DGKG: variants seen among roughly 807,000 people sequenced by gnomAD.
The protein encoded by DGKG is diacylglycerol kinase gamma.
A neutral mutation model predicts 105.3 loss-of-function variants in DGKG; 78 were observed. That is an observed-to-expected ratio of 0.74 (90% CI 0.62 to 0.89). DGKG has a LOEUF of 0.89. Among genes scored for constraint, DGKG ranks in the 40% least tolerant of loss-of-function variants. The probability of loss-of-function intolerance (pLI) is 0.00; values close to 1 mark genes in which losing one functional copy is unlikely to be tolerated. For synonymous variants in DGKG, 346 were observed against 367.1 expected, an observed-to-expected ratio of 0.94 and a Z score of 0.66; for missense variants, 958 against 1,020.1, an observed-to-expected ratio of 0.94 and a Z score of 0.83.
intron 16 of DGKG, 70 bp from the exon 17 acceptor site, chr3:186,258,009 CAG>C: frequency 8.8e-7 from 1 of 1,135,018 alleles, no homozygotes; most frequent in South Asian, 1.2e-5. Context: ...CATGTTGAGT[CAG>C]AGTCTGCCCT....
intron 15 of DGKG, among the ~76,000 whole-genome samples, chr3:186,260,971 G>A (rs957305379): frequency 2.6e-5 from 4 of 152,204 alleles, no homozygotes; most frequent in Admixed American, 2.6e-4. Context: ...AGGAAACGCA[G>A]GAGGTGGTGT....
At chr3:186,211,937 T>C (rs1204787226) in intron 20 of DGKG, 52 bp from the exon 21 acceptor site, 2 of 1,428,354 alleles carry the variant, frequency 1.4e-6, no homozygotes, top group East Asian at 2.3e-5. Flanking sequence ...GAAATGCTCA[T>C]GTAAAATAGC....
In DGKG at chr3:186,297,066, T is replaced by TCACACA. The variant is rs1352673652; in HGVS notation, c.373+354_373+355insTGTGTG. Among the ~76,000 whole-genome samples, 748 of 123,678 alleles carry TCACACA rather than the reference T, an allele frequency of 6.0e-3. 8 individuals are homozygous for TCACACA. Among genetic ancestry groups the TCACACA allele is most frequent in the East Asian group, 0.014 (57 of 4,164 alleles). The allele number at this position is 123,678 out of a possible 152,430, so 81.1% of individuals were successfully genotyped here. ...CTCTCTCTGTCTGTCTGTCTGTCTC[T>TCACACA]CTCACACACACACACACACACACAC... is the stretch of plus-strand genomic sequence containing the variant. On this transcript the variant is annotated intron_variant, in intron 5 of 24. Transcript: ENST00000265022.
At chr3:186,205,257 C>CA (rs71164580) in intron 21 of DGKG, among the ~76,000 whole-genome samples, 1,013 of 72,010 alleles carry the variant, frequency 0.014, 12 homozygotes, top group South Asian at 0.037. Context: ...AACTCCTTCT[C>CA]AAAAAAAAAA....
At chr3:186,254,893 C>T (rs1001329689) in intron 17 of DGKG, among the ~76,000 whole-genome samples, 5 of 152,160 alleles carry the variant, frequency 3.3e-5, no homozygotes, top group Admixed American at 3.3e-4. Flanking sequence ...CACAGTAGGC[C>T]CAGGAAGCAG....
intron 21 of DGKG, among the ~76,000 whole-genome samples, chr3:186,209,984 C>T (rs1386579823): frequency 6.6e-6 from 1 of 152,186 alleles, no homozygotes; most frequent in Non-Finnish European, 1.5e-5. Context: ...CTCCCAACAA[C>T]ACCCTCCCTC....
chr3:186,266,446 T>C (rs570428651), intron 13 of DGKG, among the ~76,000 whole-genome samples: 2 of 152,246 alleles, frequency 1.3e-5, no homozygotes, highest in East Asian at 1.9e-4. Context: ...AAAGCTGCTA[T>C]GAGCATTCTT....
chr3:186,353,786 G>A (rs1726771366), intron 1 of DGKG, among the ~76,000 whole-genome samples: 1 of 151,962 alleles, frequency 6.6e-6, no homozygotes, highest in Non-Finnish European at 1.5e-5. Flanking sequence ...CTAGCATGAA[G>A]TGGGTGCTCA....
chr3:186,332,972 C>G (rs1268638877), intron 1 of DGKG, among the ~76,000 whole-genome samples: 2 of 152,138 alleles, frequency 1.3e-5, no homozygotes, highest in East Asian at 3.9e-4. Flanking sequence ...CACCTTGGGA[C>G]TCTATGTAGA....
chr3:186,301,558 C>T (rs1019649964), intron 3 of DGKG, among the ~76,000 whole-genome samples: 4 of 152,114 alleles, frequency 2.6e-5, no homozygotes, highest in Admixed American at 1.3e-4. Context: ...ACCCGGGAGG[C>T]GGAGCTTGCA....
chr3:186,265,913 G>A (rs1018944664), intron 13 of DGKG, among the ~76,000 whole-genome samples: 1 of 151,988 alleles, frequency 6.6e-6, no homozygotes, highest in African/African-American at 2.4e-5. Flanking sequence ...CTCGTGATCC[G>A]CTGGCCTCAG....
chr3:186,344,378 A>T (rs1341578349), intron 1 of DGKG, among the ~76,000 whole-genome samples: 1 of 135,774 alleles, frequency 7.4e-6, no homozygotes, highest in African/African-American at 3.4e-5. Context: ...AATGTGGTAC[A>T]TATACACCAT....
intron 9 of DGKG, among the ~76,000 whole-genome samples, chr3:186,275,918 G>A (rs913181813): frequency 6.6e-6 from 1 of 152,098 alleles, no homozygotes; most frequent in Admixed American, 6.6e-5. Context: ...CGCATGGCTG[G>A]CAGAAGCATA....
intron 3 of DGKG, among the ~76,000 whole-genome samples, chr3:186,304,501 G>A (rs542588760): frequency 6.6e-6 from 1 of 152,256 alleles, no homozygotes; most frequent in East Asian, 1.9e-4. Context: ...TTTGTTCAAT[G>A]GATGACAACG....
intron 5 of DGKG, among the ~76,000 whole-genome samples, chr3:186,293,413 C>A (rs1037312563): frequency 5.9e-5 from 9 of 152,174 alleles, no homozygotes; most frequent in Non-Finnish European, 1.2e-4. Flanking sequence ...GGGGGACTTT[C>A]CTTGAGATTT....
intron 1 of DGKG, among the ~76,000 whole-genome samples, chr3:186,324,997 A>G (rs1470801411): frequency 6.6e-6 from 1 of 152,264 alleles, no homozygotes; most frequent in Non-Finnish European, 1.5e-5. Flanking sequence ...AGAAAATGTA[A>G]TGCACATATA....
rs544713321 is a variant in DGKG at position 186,188,249 on chromosome 3, C to T, written c.2048G>A (p.Ser683Asn). Reference protein sequence around the residue: ...NKKNRAVIRESRKGVTDPKEL... With the variant: ...NKKNRAVIRENRKGVTDPKEL... ...TTTGGGGTCAGTGACACCCTTCCTG[C>T]TTTCCCGGATCACAGCCCGGTTCTT... Residue 683 changes from serine (S) to asparagine (N), a missense_variant, in exon 22 of 25, where the codon AGC becomes AAC. Physicochemically the swap from Ser to Asn is conservative, Grantham distance 46. Transcript: ENST00000265022. 1.9e-6 allele frequency: 3 copies of T among 1,614,194 alleles called. No individual in the cohort carries two copies. Among genetic ancestry groups the T allele is most frequent in the Admixed American group, 3.3e-5 (2 of 60,022 alleles).
At chr3:186,240,737 G>C (rs1441288977) in intron 20 of DGKG, among the ~76,000 whole-genome samples, 1 of 151,848 alleles carries the variant, frequency 6.6e-6, no homozygotes, top group African/African-American at 2.4e-5. Flanking sequence ...TTGAACCCAG[G>C]AGGTGGAAGT....
At chr3:186,314,444 GT>G (rs1724714633) in intron 2 of DGKG, among the ~76,000 whole-genome samples, 1 of 152,154 alleles carries the variant, frequency 6.6e-6, no homozygotes, top group Non-Finnish European at 1.5e-5. Context: ...CATTGATATG[GT>G]TAAGATTTTT....
Sources: gnomAD v4.1 joint callset for allele counts (sites outside exome capture counted in the v4.1 genomes callset) on GRCh38, gnomAD v4.1.1 for gene constraint, MANE v1.5 for transcripts, NCBI Gene and HGNC (gene_info 2026-07-23, HGNC 2026-07-21) for gene names.